CCDC192: variants seen among roughly 807,000 people sequenced by gnomAD.
The protein encoded by CCDC192 is coiled-coil domain containing 192, also known as coiled-coil domain-containing protein 192.
chr5:127,846,819 C>CAAAAAAAAAAAAAA (rs551016691), intron 5 of CCDC192, among the ~76,000 whole-genome samples: 1 of 63,678 alleles, frequency 1.6e-5, no homozygotes, highest in African/African-American at 5.9e-5. Context: ...GTCAATAAAG[C>CAAAAAAAAAAAAAA]AAAAAAAAAA....
chr5:127,757,640 A>C (rs946214496), intron 3 of CCDC192, among the ~76,000 whole-genome samples: 1 of 151,938 alleles, frequency 6.6e-6, no homozygotes, highest in African/African-American at 2.4e-5. Flanking sequence ...GTTCTTGAGA[A>C]TATTTCAGAA....
chr5:127,787,931 A>C (rs1756641033), intron 3 of CCDC192, among the ~76,000 whole-genome samples: 1 of 152,090 alleles, frequency 6.6e-6, no homozygotes. Context: ...AAAATACAAA[A>C]ATTTGCTGGG....
At chr5:127,831,481 A>G (rs1303037545) in intron 5 of CCDC192, among the ~76,000 whole-genome samples, 1 of 152,104 alleles carries the variant, frequency 6.6e-6, no homozygotes, top group Non-Finnish European at 1.5e-5. Flanking sequence ...GCTTTCTCAC[A>G]TTACTTTCTT....
chr5:127,752,718 G>T (rs1203949524), intron 2 of CCDC192, among the ~76,000 whole-genome samples: 2 of 152,216 alleles, frequency 1.3e-5, no homozygotes, highest in Non-Finnish European at 1.5e-5. Flanking sequence ...CAGCCTCGCT[G>T]CCGCCTTGCA....
chr5:127,843,207 T>A (rs1356999535), intron 5 of CCDC192, among the ~76,000 whole-genome samples: 10 of 149,444 alleles, frequency 6.7e-5, no homozygotes, highest in Non-Finnish European at 4.5e-5. Context: ...GCTAATTTTT[T>A]TTTTGTATTT....
At chr5:127,936,581 G>A (rs1174040893) in intron 6 of CCDC192, among the ~76,000 whole-genome samples, 2 of 67,974 alleles carry the variant, frequency 2.9e-5, no homozygotes, top group Non-Finnish European at 8.5e-5. Context: ...TTAAGTCATA[G>A]AAGAAAGAGG....
chr5:127,763,468 A>G (rs1022436814), intron 3 of CCDC192, among the ~76,000 whole-genome samples: 4 of 152,122 alleles, frequency 2.6e-5, no homozygotes, highest in African/African-American at 7.2e-5. Context: ...GCCTCTCCTG[A>G]CTTTACCTTC....
intron 6 of CCDC192, among the ~76,000 whole-genome samples, chr5:127,936,066 C>G (rs906270739): frequency 2.0e-5 from 3 of 151,898 alleles, no homozygotes; most frequent in African/African-American, 7.3e-5. Context: ...ATCGCACCAT[C>G]GCACTCCAGC....
chr5:127,735,020 G>C (rs1752887709), intron 2 of CCDC192, among the ~76,000 whole-genome samples: 2 of 135,920 alleles, frequency 1.5e-5, no homozygotes, highest in Non-Finnish European at 3.1e-5. Flanking sequence ...TGTCCTGAAT[G>C]GTAATGCCTA....
intron 6 of CCDC192, among the ~76,000 whole-genome samples, chr5:127,883,961 C>T (rs554294884): frequency 9.9e-5 from 15 of 152,206 alleles, no homozygotes; most frequent in South Asian, 2.1e-4. Context: ...ATTGACCCCA[C>T]GTGGACTACT....
chr5:127,758,427 C>A (rs565089428), intron 3 of CCDC192, among the ~76,000 whole-genome samples: 14 of 152,248 alleles, frequency 9.2e-5, no homozygotes, highest in African/African-American at 3.4e-4. Flanking sequence ...TCACTAATGT[C>A]AAAATAAAAG....
Position 127,784,268 on chromosome 5 carries a change from A to AAAGTGCTGCCAATATGAC in CCDC192, c.223-12820_223-12803dup, listed in dbSNP as rs749034680. Among the ~76,000 whole-genome samples the AAAGTGCTGCCAATATGAC allele has an allele frequency of 5.3e-5, 8 of 152,358 alleles. No individual in the cohort carries two copies. The East Asian group carries it at 1.5e-3, about 29-fold the overall frequency. ...CATGGGTCCATTCAGACTTGCTCTC[A>AAAGTGCTGCCAATATGAC]AAGTGCTGCCAATATGACAAGTGCT... On this transcript the variant is annotated intron_variant, in intron 3 of 6. Transcript: ENST00000514853.
chr5:127,902,468 T>G (rs918680555), intron 6 of CCDC192, among the ~76,000 whole-genome samples: 9 of 152,038 alleles, frequency 5.9e-5, no homozygotes, highest in African/African-American at 2.2e-4. Context: ...CCTGCTCTCA[T>G]TTAGTTTAGG....
At chr5:127,789,341 C>T (rs1325563104) in intron 3 of CCDC192, among the ~76,000 whole-genome samples, 3 of 152,128 alleles carry the variant, frequency 2.0e-5, no homozygotes, top group East Asian at 1.9e-4. Flanking sequence ...CATAAATAAT[C>T]ATGAGCAGAA....
intron 6 of CCDC192, among the ~76,000 whole-genome samples, chr5:127,932,543 T>C (rs1313609128): frequency 1.3e-5 from 2 of 152,170 alleles, no homozygotes; most frequent in African/African-American, 4.8e-5. Context: ...AAAGCATTAT[T>C]TGAAGAAAAA....
chr5:127,727,121 T>A (rs1752372008), intron 2 of CCDC192, among the ~76,000 whole-genome samples: 1 of 151,962 alleles, frequency 6.6e-6, no homozygotes, highest in Admixed American at 6.6e-5. Context: ...ACAAATAGGG[T>A]CTGGAAGGGA....
chr5:127,803,050 C>A (rs905827502), intron 5 of CCDC192, among the ~76,000 whole-genome samples: 1 of 152,148 alleles, frequency 6.6e-6, no homozygotes, highest in Admixed American at 6.5e-5. Context: ...ATTCCTATTT[C>A]ACGTGAAATA....
intron 6 of CCDC192, among the ~76,000 whole-genome samples, chr5:127,889,321 A>C (rs1387426949): frequency 1.3e-5 from 2 of 152,172 alleles, no homozygotes; most frequent in African/African-American, 4.8e-5. Context: ...TAAGGCAATA[A>C]ATAAGTAAAT....
chr5:127,854,554 A>T (rs1489021211), intron 5 of CCDC192, among the ~76,000 whole-genome samples: 1 of 152,212 alleles, frequency 6.6e-6, no homozygotes, highest in African/African-American at 2.4e-5. Flanking sequence ...TAAAATATCT[A>T]TAGCGTTCAG....
Sources: gnomAD v4.1 joint callset for allele counts (sites outside exome capture counted in the v4.1 genomes callset) on GRCh38, gnomAD v4.1.1 for gene constraint, MANE v1.5 for transcripts, NCBI Gene and HGNC (gene_info 2026-07-23, HGNC 2026-07-21) for gene names.